The following AQR variants were observed in gnomAD, a reference collection of about 807,000 sequenced individuals.
AQR encodes the protein RNA helicase aquarius.
A neutral mutation model predicts 180.5 loss-of-function variants in AQR; 61 were observed. That is an observed-to-expected ratio of 0.34 (90% CI 0.28 to 0.42). The LOEUF (loss-of-function observed/expected upper bound fraction) is 0.42, where lower values mean the gene tolerates loss of function less well. AQR is among the 10% of genes least tolerant of loss of function. The probability of loss-of-function intolerance (pLI) is 1.00; values close to 1 mark genes in which losing one functional copy is unlikely to be tolerated. For synonymous variants in AQR, 551 were observed against 588.8 expected, an observed-to-expected ratio of 0.94 and a Z score of 0.93; for missense variants, 1,281 against 1,798.3, an observed-to-expected ratio of 0.71 and a Z score of 5.20.
intron 26 of AQR, among the ~76,000 whole-genome samples, chr15:34,883,060 C>T (rs148896256): frequency 6.4e-4 from 98 of 152,242 alleles, no homozygotes; most frequent in African/African-American, 2.2e-3. Flanking sequence ...CAGTCACTAT[C>T]ATCCCTAGAC....
Position 34,884,602 on chromosome 15 carries a change from C to T in AQR, c.2950G>A (p.Gly984Arg), listed in dbSNP as rs773603368. 7 of 1,600,968 alleles carry T rather than the reference C, an allele frequency of 4.4e-6. No individual in the cohort carries two copies. In the East Asian group the frequency reaches 1.3e-4, roughly 31 times the overall value. Reference protein sequence around the residue: ...FANAPQPIFKGRSYEEDMEIA... With the variant: ...FANAPQPIFKRRSYEEDMEIA... The stretch of plus-strand genomic sequence containing the variant: ...TCCATGTCTTCTTCATAAGATCTTC[C>T]TTTAAAAATGGGTTGAGGAGCATTT... Residue 984 changes from glycine to arginine, a missense_variant, in exon 26 of 35, where the codon GGA becomes AGA. Physicochemically the swap from Gly to Arg is moderately radical, Grantham distance 125 (BLOSUM62 -2). Transcript: ENST00000156471.
intron 13 of AQR, among the ~76,000 whole-genome samples, chr15:34,921,035 TA>T: frequency 6.6e-6 from 1 of 151,534 alleles, no homozygotes; most frequent in East Asian, 1.9e-4. Context: ...GATGAAGCAG[TA>T]AAAAAAAATT....
chr15:34,921,390 C>A (rs1468617422), intron 13 of AQR, among the ~76,000 whole-genome samples: 2 of 145,254 alleles, frequency 1.4e-5, no homozygotes, highest in Non-Finnish European at 3.0e-5. Flanking sequence ...GCCGAGATTG[C>A]ACCACTGCAC....
intron 15 of AQR, 144 bp from the exon 16 acceptor site, chr15:34,915,323 T>C (rs1481368016): frequency 5.0e-6 from 4 of 805,936 alleles, no homozygotes; most frequent in East Asian, 6.1e-5. Context: ...CCTGAGTAGC[T>C]GGGATTACAG....
intron 29 of AQR, 77 bp downstream of exon 29, chr15:34,874,599 CA>C: frequency 1.3e-6 from 2 of 1,550,226 alleles, no homozygotes; most frequent in Non-Finnish European, 1.8e-6. Flanking sequence ...ATAGTCTACA[CA>C]AAAGCTATTC....
intron 17 of AQR, 131 bp from the exon 18 acceptor site, chr15:34,906,843 A>T: frequency 1.3e-6 from 1 of 780,510 alleles, no homozygotes. Context: ...AATGATTATT[A>T]TCGCATTGTA....
chr15:34,917,090 C>A (rs1268633148), intron 15 of AQR, among the ~76,000 whole-genome samples: 1 of 152,030 alleles, frequency 6.6e-6, no homozygotes, highest in Admixed American at 6.5e-5. Context: ...TCTTGAATTT[C>A]TTTATAGTTT....
At chr15:34,920,309 A>AT (rs768311335) in intron 14 of AQR, 23 bp downstream of exon 14, 1 of 1,553,414 alleles carries the variant, frequency 6.4e-7, no homozygotes, top group Non-Finnish European at 8.8e-7. Flanking sequence ...CACATGCAAA[A>AT]TTCAGAGAAC....
chr15:34,940,517 C>T (rs1407301883), intron 8 of AQR, among the ~76,000 whole-genome samples: 2 of 151,468 alleles, frequency 1.3e-5, no homozygotes, highest in Admixed American at 6.6e-5. Flanking sequence ...GCAACAAGAG[C>T]GAAACTCCGT....
At position 34,856,882 on chromosome 15, in the gene AQR, C is replaced by T. The variant is rs776180525; in HGVS notation, c.4368G>A (p.Glu1456=). Residue 1456 remains glutamate (E), a synonymous_variant, in exon 35 of 35, where the codon GAG becomes GAA. Transcript: ENST00000156471. ...STPEAIPALS[E]TTPTVVGAVS... Reference sequence around the variant, plus strand: ...CAGCTCCTACCACAGTAGGGGTGGTCTCAGATAAAGCAGGGATGGCTTCTG... The same window carrying T: ...CAGCTCCTACCACAGTAGGGGTGGTTTCAGATAAAGCAGGGATGGCTTCTG... 1.2e-6 allele frequency: 2 copies of T among 1,613,632 alleles called. No homozygotes were observed. Among genetic ancestry groups the T allele is most frequent in the Non-Finnish European group, 1.7e-6 (2 of 1,179,832 alleles).
In AQR at chr15:34,906,842, T is replaced by C. The variant is rs551122182; in HGVS notation, c.1664-130A>G. ...ATACCGTTGAGTGACCAATGATTAT[T>C]ATCGCATTGTAACACAATTATGGGC... is the stretch of plus-strand genomic sequence containing the variant. On this transcript the variant is annotated intron_variant, in intron 17 of 34. Coordinates refer to ENST00000156471, the MANE Select transcript of AQR (RefSeq NM_014691.3). The C allele has an allele frequency of 3.9e-6, 3 of 776,824 alleles. 1 individual carries two copies. The highest frequency in any genetic ancestry group is 2.8e-5 in the East Asian group (1 of 36,308). The allele number at this position is 776,824 out of a possible 1,614,324, so 48.1% of individuals were successfully genotyped here.
intron 13 of AQR, among the ~76,000 whole-genome samples, chr15:34,920,688 G>T (rs1457493179): frequency 6.6e-6 from 1 of 152,188 alleles, no homozygotes; most frequent in Admixed American, 6.5e-5. Context: ...GCAGGGCAAG[G>T]TGGCTCAGGC....
intron 24 of AQR, among the ~76,000 whole-genome samples, chr15:34,888,025 C>T (rs1595787086): frequency 6.6e-6 from 1 of 152,154 alleles, no homozygotes; most frequent in African/African-American, 2.4e-5. Context: ...AGGCCGGGCA[C>T]GGTGGCTCAC....
intron 32 of AQR, among the ~76,000 whole-genome samples, chr15:34,866,440 C>T (rs898734899): frequency 6.6e-6 from 1 of 151,854 alleles, no homozygotes; most frequent in Non-Finnish European, 1.5e-5. Flanking sequence ...TTCTTTTAAC[C>T]CTTCATTTAT....
In AQR at chr15:34,884,666, C is replaced by T. The variant is rs375504139; in HGVS notation, c.2886G>A (p.Thr962=). ...KNKGSTLPDV[T]EVSTFFPFHE... ...GGAAAGGGAAGAAAGTGGAGACTTC[C>T]GTAACATCTGGCAATGTACTACCTT... The change falls in exon 26 of 35, where the codon ACG becomes ACA. Residue 962 remains threonine, a synonymous_variant. Transcript: ENST00000156471. 27 of 1,612,270 alleles carry T rather than the reference C, an allele frequency of 1.7e-5. No individual in the cohort carries two copies. Among genetic ancestry groups the T allele is most frequent in the East Asian group, 4.5e-5 (2 of 44,742 alleles).
chr15:34,913,648 T>C (rs926825921), intron 16 of AQR, among the ~76,000 whole-genome samples: 1 of 152,216 alleles, frequency 6.6e-6, no homozygotes, highest in African/African-American at 2.4e-5. Flanking sequence ...AAGTAAAATA[T>C]AAATGAATTC....
At chr15:34,952,851 ATC>A (rs1228611776) in intron 4 of AQR, 32 bp downstream of exon 4, 2 of 1,401,346 alleles carry the variant, frequency 1.4e-6, no homozygotes, top group African/African-American at 1.4e-5. Context: ...AAATCACATT[ATC>A]TCTTTCATCA....
chr15:34,919,666 G>C (rs1363758943), intron 14 of AQR, among the ~76,000 whole-genome samples: 1 of 152,140 alleles, frequency 6.6e-6, no homozygotes, highest in Admixed American at 6.5e-5. Context: ...GGAGGCTGAG[G>C]TGGGTCAATC....
At chr15:34,883,439 G>T (rs1462453912) in intron 26 of AQR, among the ~76,000 whole-genome samples, 1 of 152,022 alleles carries the variant, frequency 6.6e-6, no homozygotes, top group Non-Finnish European at 1.5e-5. Context: ...CCCTCCCAAG[G>T]CAGCTATTAT....
Sources: gnomAD v4.1 joint callset for allele counts (sites outside exome capture counted in the v4.1 genomes callset) on GRCh38, gnomAD v4.1.1 for gene constraint, MANE v1.5 for transcripts, NCBI Gene and HGNC (gene_info 2026-07-23, HGNC 2026-07-21) for gene names.